The following ELMO1 variants were observed in gnomAD, a reference collection of about 807,000 sequenced individuals.
ELMO1 encodes engulfment and cell motility protein 1.
Under a neutral mutation model 98.9 loss-of-function variants are expected in ELMO1, and 26 were observed. The ratio of observed to expected loss-of-function variants is 0.26; its 90% CI spans 0.19 to 0.36. The LOEUF is 0.36. Ranked by LOEUF, ELMO1 falls within the 10% of genes least tolerant of loss-of-function variation. The probability of loss-of-function intolerance (pLI) is 1.00; values close to 1 mark genes in which losing one functional copy is unlikely to be tolerated. For missense variants in ELMO1, 627 were observed against 935.2 expected, an observed-to-expected ratio of 0.67 and a Z score of 4.30; for synonymous variants, 346 against 346.0, an observed-to-expected ratio of 1.00 and a Z score of 0.00.
intron 1 of ELMO1, among the ~76,000 whole-genome samples, chr7:37,371,536 T>TGGGG (rs572201413): frequency 1.3e-5 from 2 of 152,268 alleles, no homozygotes; most frequent in African/African-American, 4.8e-5. Context: ...AGTAACAAAA[T>TGGGG]GGGGGGGTTC....
At chr7:36,973,310 C>G (rs1790140509) in intron 16 of ELMO1, among the ~76,000 whole-genome samples, 1 of 152,118 alleles carries the variant, frequency 6.6e-6, no homozygotes, top group Non-Finnish European at 1.5e-5. Flanking sequence ...ATCAGTAGTG[C>G]CAGTACAGGG....
At chr7:37,354,722 A>C (rs1266942893) in intron 1 of ELMO1, among the ~76,000 whole-genome samples, 1 of 152,190 alleles carries the variant, frequency 6.6e-6, no homozygotes, top group Non-Finnish European at 1.5e-5. Flanking sequence ...TGATGTGTGC[A>C]GACAGTCCCC....
chr7:37,095,259 T>C (rs1487398861), intron 15 of ELMO1, among the ~76,000 whole-genome samples: 2 of 152,174 alleles, frequency 1.3e-5, no homozygotes, highest in Non-Finnish European at 2.9e-5. Context: ...CCCCATGAAA[T>C]TGAGATAAAC....
At position 36,855,912 on chromosome 7, in the gene ELMO1, G is replaced by C. The variant is rs113406032; in HGVS notation, c.1984-161C>G. The stretch of plus-strand genomic sequence containing the variant: ...TTTGGCGACATCTCAATATAAAGTC[G>C]ATACTTCTGTTATCTCTGTTTTATA... On this transcript the variant is annotated intron_variant, in intron 21 of 21. Coordinates refer to ENST00000310758, the MANE Select transcript of ELMO1 (RefSeq NM_014800.11). This position sits in a 1 kb window ranked among gnomAD's most constrained non-coding sequence, Gnocchi z 4.2. 0.021 allele frequency among the ~76,000 whole-genome samples: 3,131 copies of C among 152,298 alleles called. 38 individuals carry two copies. The highest frequency in any genetic ancestry group is 0.03 in the Non-Finnish European group (2,039 of 68,024).
chr7:37,356,610 G>A (rs570458491), intron 1 of ELMO1, among the ~76,000 whole-genome samples: 5 of 152,092 alleles, frequency 3.3e-5, no homozygotes, highest in East Asian at 1.9e-4. Flanking sequence ...ATCACACACC[G>A]GGGCCCGTGT....
chr7:37,240,112 C>T (rs953618993), intron 7 of ELMO1, among the ~76,000 whole-genome samples: 15 of 147,314 alleles, frequency 1.0e-4, no homozygotes, highest in Admixed American at 9.6e-4. Flanking sequence ...GATCTTGGCT[C>T]ACTGCAACCT....
intron 6 of ELMO1, among the ~76,000 whole-genome samples, chr7:37,249,897 A>T (rs1795242111): frequency 6.6e-6 from 1 of 152,144 alleles, no homozygotes; most frequent in African/African-American, 2.4e-5. Flanking sequence ...TGGGAAACAC[A>T]GAGAGACCTT....
At chr7:37,348,215 T>C (rs368943359) in intron 1 of ELMO1, among the ~76,000 whole-genome samples, 2 of 152,204 alleles carry the variant, frequency 1.3e-5, no homozygotes, top group African/African-American at 4.8e-5. Flanking sequence ...CTAGTATTAC[T>C]TAAATTGCCC....
At chr7:37,070,505 T>G (rs1041885361) in intron 15 of ELMO1, among the ~76,000 whole-genome samples, 5 of 152,218 alleles carry the variant, frequency 3.3e-5, no homozygotes, top group African/African-American at 1.2e-4. Flanking sequence ...ACTGTGTGTG[T>G]GTGTGTTATA....
chr7:37,178,716 T>C (rs1201577591), intron 13 of ELMO1, among the ~76,000 whole-genome samples: 1 of 152,194 alleles, frequency 6.6e-6, no homozygotes, highest in African/African-American at 2.4e-5. Context: ...TACCTCCTCA[T>C]ACGAGGTGGC....
intron 16 of ELMO1, among the ~76,000 whole-genome samples, chr7:36,983,736 A>G (rs1455120733): frequency 6.6e-6 from 1 of 152,216 alleles, no homozygotes; most frequent in Non-Finnish European, 1.5e-5. Flanking sequence ...TGCAGCATTT[A>G]GCGGACCCAT....
intron 13 of ELMO1, among the ~76,000 whole-genome samples, chr7:37,186,959 A>G (rs184611417): frequency 3.1e-4 from 47 of 152,366 alleles, no homozygotes; most frequent in African/African-American, 9.6e-4. Flanking sequence ...TTTTAAGTAC[A>G]GAACAAAGAG....
intron 20 of ELMO1, among the ~76,000 whole-genome samples, chr7:36,869,435 A>G (rs1371997429): frequency 6.6e-6 from 1 of 152,228 alleles, no homozygotes; most frequent in East Asian, 1.9e-4. Flanking sequence ...AACAATAGAA[A>G]TTACACAGTG....
intron 16 of ELMO1, among the ~76,000 whole-genome samples, chr7:36,910,884 GCACATCCTTT>G (rs1415582520): frequency 6.6e-6 from 1 of 152,148 alleles, no homozygotes; most frequent in Non-Finnish European, 1.5e-5. Context: ...GTAACCTTCA[GCACATCCTTT>G]CACCTCTCTG....
intron 13 of ELMO1, among the ~76,000 whole-genome samples, chr7:37,206,133 A>G (rs1792603958): frequency 6.6e-6 from 1 of 152,184 alleles, no homozygotes; most frequent in East Asian, 1.9e-4. Context: ...CGCCATTCCA[A>G]TAATATTAAT....
intron 1 of ELMO1, among the ~76,000 whole-genome samples, chr7:37,372,331 G>T (rs1342726777): frequency 6.6e-6 from 1 of 152,184 alleles, no homozygotes; most frequent in African/African-American, 2.4e-5. Flanking sequence ...CTAGCCAGGT[G>T]ATTCTGGGTA....
intron 15 of ELMO1, among the ~76,000 whole-genome samples, chr7:37,084,090 C>T (rs1245274778): frequency 6.6e-6 from 1 of 152,036 alleles, no homozygotes; most frequent in Non-Finnish European, 1.5e-5. Flanking sequence ...CATTTTTTTC[C>T]TCTTGGGGGA....
chr7:37,027,443 C>T (rs1319879288), intron 15 of ELMO1, among the ~76,000 whole-genome samples: 1 of 152,108 alleles, frequency 6.6e-6, no homozygotes, highest in Non-Finnish European at 1.5e-5. Context: ...AAACATATCA[C>T]CTCAAGGACT....
chr7:37,436,593 C>G (rs1286035711), intron 1 of ELMO1, among the ~76,000 whole-genome samples: 2 of 152,222 alleles, frequency 1.3e-5, no homozygotes, highest in Non-Finnish European at 2.9e-5. Flanking sequence ...TCAACCCACT[C>G]CTTAAAAGCT....
Sources: gnomAD v4.1 joint callset for allele counts (sites outside exome capture counted in the v4.1 genomes callset) on GRCh38, gnomAD v4.1.1 for gene constraint, Gnocchi (gnomAD v3.1) non-coding constraint, MANE v1.5 for transcripts, NCBI Gene and HGNC (gene_info 2026-07-23, HGNC 2026-07-21) for gene names.